OLFM1: variants seen among roughly 807,000 people sequenced by gnomAD.
The protein encoded by OLFM1 is olfactomedin 1, also known as noelin.
A neutral mutation model predicts 49.7 loss-of-function variants in OLFM1; 9 were observed. That is an observed-to-expected ratio of 0.18 (90% CI 0.11 to 0.32). The LOEUF is 0.32. Ranked by LOEUF, OLFM1 falls within the 10% of genes least tolerant of loss-of-function variation. The pLI, the probability that OLFM1 is intolerant of heterozygous loss-of-function variation, is 1.00. For synonymous variants in OLFM1, 240 were observed against 271.8 expected (o/e 0.88, Z 1.15); for missense variants, 369 against 661.8 (o/e 0.56, Z 4.85).
chr9:135,091,749 AGT>A (rs1830709629), intron 2 of OLFM1, among the ~76,000 whole-genome samples: 1 of 143,334 alleles, frequency 7.0e-6, no homozygotes, highest in Non-Finnish European at 1.5e-5. Context: ...ACCCACACAT[AGT>A]CACACACACT....
intron 2 of OLFM1, among the ~76,000 whole-genome samples, chr9:135,091,646 CACAT>C (rs1171214588): frequency 1.1e-5 from 1 of 92,292 alleles, no homozygotes; most frequent in East Asian, 4.0e-4. Context: ...CACACACACT[CACAT>C]AGTCACACAC....
chr9:135,108,997 C>CT, intron 5 of OLFM1, among the ~76,000 whole-genome samples: 1 of 152,154 alleles, frequency 6.6e-6, no homozygotes, highest in African/African-American at 2.4e-5. Flanking sequence ...GCAGGAAAAC[C>CT]ACCCCACAAA....
At chr9:135,094,160 G>A (rs531381864) in intron 2 of OLFM1, among the ~76,000 whole-genome samples, 8 of 152,154 alleles carry the variant, frequency 5.3e-5, no homozygotes, top group Non-Finnish European at 8.8e-5. Flanking sequence ...TGCTTCCTCC[G>A]GCCATGTGGC....
upstream of OLFM1, among the ~76,000 whole-genome samples, chr9:135,086,386 C>A (rs1830596433): frequency 6.6e-6 from 1 of 152,250 alleles, no homozygotes; most frequent in Non-Finnish European, 1.5e-5. Context: ...ATCTTGGCTG[C>A]AGCTGAAGTC....
chr9:135,080,026 A>T lies in OLFM1; in HGVS notation c.96+4224A>T, dbSNP rs2119085320. Among the ~76,000 whole-genome samples the T allele has an allele frequency of 1.3e-5, 2 of 152,188 alleles. 1 individual carries two copies. The highest frequency in any genetic ancestry group is 6.8e-3 in the Middle Eastern group (2 of 294). ...TTGTGGGTTGGTGTGAACAGGGCAG[A>T]CGAGAAGACCAGGGAGGTGATGCTG... On this transcript the variant is annotated intron_variant, in intron 1 of 5. Coordinates refer to the OLFM1 transcript ENST00000252854. The surrounding 1 kb of genome is among the most constrained non-coding windows in gnomAD (Gnocchi z 4.5).
At chr9:135,115,101 G>A (rs11103681) in intron 5 of OLFM1, among the ~76,000 whole-genome samples, 29,301 of 152,130 alleles carry the variant, frequency 0.19, 3,368 homozygotes, top group Non-Finnish European at 0.27. Flanking sequence ...CCTCAAGACC[G>A]CTAGGGCCAC....
Position 135,120,365 on chromosome 9 carries a change from G to A in OLFM1, c.*187G>A, listed in dbSNP as rs556941512. 11 of 626,494 alleles carry A rather than the reference G, an allele frequency of 1.8e-5. No homozygotes were observed. The highest frequency in any genetic ancestry group is 9.2e-5 in the African/African-American group (5 of 54,358). The allele number at this position is 626,494 out of a possible 1,614,324, so 38.8% of individuals were successfully genotyped here. A position where few individuals can be genotyped will look rare whatever the true frequency, so the allele number is the denominator to read the frequency against. On this transcript the variant is annotated 3_prime_UTR_variant, in exon 6 of 6. Coordinates refer to ENST00000371793, the MANE Select transcript of OLFM1 (RefSeq NM_001282611.2). ...CCTTTCGAGCCGGCGGGCCACAGAC[G>A]TCGGAAGAAACTCCCGTATTTGCAG...
chr9:135,121,055 G>C lies in OLFM1; in HGVS notation c.*877G>C, dbSNP rs1196476297. The C allele has an allele frequency of 6.6e-6, 1 of 152,350 alleles. No homozygotes were observed. The highest frequency in any genetic ancestry group is 1.5e-5 in the Non-Finnish European group (1 of 68,032). 9.4% of individuals were successfully genotyped at this position (152,350 alleles called of 1,614,324 possible). ...GGAAGGGCTCGCCTGGGGAAACTCT[G>C]GTTTCCGATGGGACAGGAAAGTCAT... On this transcript the variant is annotated 3_prime_UTR_variant, in exon 6 of 6. Transcript: ENST00000371793.
At chr9:135,110,684 A>G (rs1052564458) in intron 5 of OLFM1, among the ~76,000 whole-genome samples, 2 of 152,132 alleles carry the variant, frequency 1.3e-5, no homozygotes, top group Non-Finnish European at 2.9e-5. Context: ...CCCAGGACCG[A>G]GAACCGTTGT....
At position 135,080,933 on chromosome 9, in the gene OLFM1, T is replaced by C. The variant is rs1830524574; in HGVS notation, c.96+5131T>C. Reference sequence around the variant, plus strand: ...GTAAAAATGCACACCTCTGAGTTTTTTTAGATTATTAAAATAATAATCTAA... The same window carrying C: ...GTAAAAATGCACACCTCTGAGTTTTCTTAGATTATTAAAATAATAATCTAA... On this transcript the variant is annotated intron_variant, in intron 1 of 5. Transcript: ENST00000252854. The surrounding 1 kb of genome is among the most constrained non-coding windows in gnomAD (Gnocchi z 4.5). Among the ~76,000 whole-genome samples, 1 of 151,614 alleles carries C rather than the reference T, an allele frequency of 6.6e-6. No homozygotes were observed. The highest frequency in any genetic ancestry group is 6.6e-5 in the Admixed American group (1 of 15,232).
intron 3 of OLFM1, among the ~76,000 whole-genome samples, chr9:135,096,251 CT>C (rs1409765932): frequency 1.1e-3 from 154 of 143,848 alleles, no homozygotes; most frequent in African/African-American, 3.9e-3. Context: ...CCTCCTCTTC[CT>C]CCTCCCTCTC....
At chr9:135,111,086 A>C (rs1255044474) in intron 5 of OLFM1, among the ~76,000 whole-genome samples, 1 of 152,242 alleles carries the variant, frequency 6.6e-6, no homozygotes, top group East Asian at 1.9e-4. Context: ...CCACGTTCTC[A>C]GTAAACTGCA....
At chr9:135,110,439 A>T (rs75221224) in intron 5 of OLFM1, among the ~76,000 whole-genome samples, 1 of 152,182 alleles carries the variant, frequency 6.6e-6, no homozygotes, top group African/African-American at 2.4e-5. Flanking sequence ...AAACACTGTC[A>T]TTTACAAACA....
chr9:135,091,577 TCACACACTCAC>T (rs1830691775), intron 2 of OLFM1, among the ~76,000 whole-genome samples: 1 of 59,806 alleles, frequency 1.7e-5, no homozygotes, highest in African/African-American at 6.9e-5. Flanking sequence ...ACACACACAG[TCACACACTCAC>T]AGTCACACAC....
chr9:135,105,262 C>T (rs747556639), intron 4 of OLFM1, among the ~76,000 whole-genome samples: 7 of 152,240 alleles, frequency 4.6e-5, no homozygotes, highest in Non-Finnish European at 7.3e-5. Context: ...GAGGCGGCAG[C>T]CCGGGAGCCA....
chr9:135,084,014 G>A (rs144341491), upstream of OLFM1, among the ~76,000 whole-genome samples: 47 of 152,332 alleles, frequency 3.1e-4, no homozygotes, highest in African/African-American at 1.1e-3. The surrounding 1 kb of genome is among the most constrained non-coding windows in gnomAD (Gnocchi z 4.6). Flanking sequence ...AGGGGGTGAG[G>A]AGCAGTTACG....
At chr9:135,110,265 C>G (rs1279728419) in intron 5 of OLFM1, among the ~76,000 whole-genome samples, 1 of 152,168 alleles carries the variant, frequency 6.6e-6, no homozygotes, top group Non-Finnish European at 1.5e-5. Context: ...CCTGCTCTGA[C>G]CATGGCCTGC....
At chr9:135,094,787 T>C (rs1383526621) in intron 2 of OLFM1, among the ~76,000 whole-genome samples, 1 of 152,194 alleles carries the variant, frequency 6.6e-6, no homozygotes, top group African/African-American at 2.4e-5. Flanking sequence ...AACCACACTG[T>C]CCTCTTTTCA....
chr9:135,089,822 A>G (rs1466684167), intron 1 of OLFM1, among the ~76,000 whole-genome samples: 2 of 152,186 alleles, frequency 1.3e-5, no homozygotes, highest in African/African-American at 4.8e-5. Flanking sequence ...CAAGCCACCC[A>G]GCGTTTGCTT....
Sources: allele counts gnomAD v4.1 joint callset (sites outside exome capture counted in the v4.1 genomes callset), GRCh38; gene constraint gnomAD v4.1.1; non-coding constraint Gnocchi (gnomAD v3.1); transcripts MANE v1.5; gene names NCBI Gene and HGNC (gene_info 2026-07-23, HGNC 2026-07-21).